Variants in CNTNAP5 observed in about 807,000 individuals in gnomAD.
The protein encoded by CNTNAP5 is contactin associated protein family member 5.
A neutral mutation model predicts 150.2 loss-of-function variants in CNTNAP5; 72 were observed. The observed-to-expected ratio is 0.48, with a 90% confidence interval of 0.40 to 0.58. CNTNAP5 has a LOEUF of 0.58. CNTNAP5 is among the 20% of genes least tolerant of loss of function. The pLI is 0.00. For synonymous variants in CNTNAP5, 672 were observed against 619.8 expected (o/e 1.08, Z -1.25); for missense variants, 1,636 against 1,626.2 (o/e 1.01, Z -0.10).
chr2:124,392,958 T>G (rs1691159057), intron 3 of CNTNAP5, among the ~76,000 whole-genome samples: 1 of 152,168 alleles, frequency 6.6e-6, no homozygotes, highest in African/African-American at 2.4e-5. Context: ...CCAGGACAAT[T>G]CTCAAAGTTG....
intron 1 of CNTNAP5, among the ~76,000 whole-genome samples, chr2:124,139,914 G>A (rs1018879691): frequency 5.3e-5 from 8 of 152,242 alleles, no homozygotes; most frequent in South Asian, 2.1e-4. Flanking sequence ...GACAGTGGGC[G>A]CAGGCCAGTG....
At chr2:124,027,730 T>A (rs1018183480) in intron 1 of CNTNAP5, among the ~76,000 whole-genome samples, 7 of 152,226 alleles carry the variant, frequency 4.6e-5, no homozygotes, top group Non-Finnish European at 8.8e-5. Flanking sequence ...AATTTCCCTA[T>A]TTCCAATCAA....
intron 10 of CNTNAP5, among the ~76,000 whole-genome samples, chr2:124,546,461 T>C (rs1446294815): frequency 6.6e-6 from 1 of 152,094 alleles, no homozygotes; most frequent in Non-Finnish European, 1.5e-5. Flanking sequence ...TACAAACGTA[T>C]ATGACTATGA....
At chr2:124,033,327 C>T (rs967052829) in intron 1 of CNTNAP5, among the ~76,000 whole-genome samples, 1 of 152,106 alleles carries the variant, frequency 6.6e-6, no homozygotes, top group Non-Finnish European at 1.5e-5. Context: ...CTTCTAAAGG[C>T]AATCCAAAGC....
At chr2:124,175,354 AATTT>A (rs1373614211) in intron 1 of CNTNAP5, among the ~76,000 whole-genome samples, 2 of 152,190 alleles carry the variant, frequency 1.3e-5, no homozygotes, top group Non-Finnish European at 2.9e-5. Flanking sequence ...TGAATTAATT[AATTT>A]ATTTTTAATG....
chr2:124,520,341 T>C (rs960908814), intron 8 of CNTNAP5, among the ~76,000 whole-genome samples: 2 of 152,216 alleles, frequency 1.3e-5, no homozygotes, highest in Admixed American at 6.5e-5. Context: ...AAATCTTGGC[T>C]ACAGCTCTGT....
intron 23 of CNTNAP5, among the ~76,000 whole-genome samples, chr2:124,912,148 G>T (rs1678670348): frequency 6.6e-6 from 1 of 152,002 alleles, no homozygotes; most frequent in Non-Finnish European, 1.5e-5. Context: ...TCCTGCTGTG[G>T]CTTGATTTTT....
intron 2 of CNTNAP5, among the ~76,000 whole-genome samples, chr2:124,236,482 C>A (rs959813757): frequency 1.3e-5 from 2 of 152,170 alleles, no homozygotes; most frequent in African/African-American, 4.8e-5. Context: ...CAGGGAGGAG[C>A]AGGAAGCCCT....
chr2:124,670,328 G>A (rs1481944910), intron 13 of CNTNAP5, among the ~76,000 whole-genome samples: 2 of 151,572 alleles, frequency 1.3e-5, no homozygotes, highest in African/African-American at 4.9e-5. Context: ...AATTAATGAT[G>A]TCAGGTATCT....
intron 3 of CNTNAP5, among the ~76,000 whole-genome samples, chr2:124,264,389 TACACACACACAC>T (rs200429155): frequency 0.023 from 2,877 of 126,546 alleles, 41 homozygotes; most frequent in Non-Finnish European, 0.035. Flanking sequence ...CACACACACA[TACACACACACAC>T]ACACACACAC....
intron 19 of CNTNAP5, among the ~76,000 whole-genome samples, chr2:124,819,033 GAC>G (rs1178024622): frequency 6.6e-6 from 1 of 151,942 alleles, no homozygotes; most frequent in African/African-American, 2.4e-5. Flanking sequence ...GTCTTTCCCT[GAC>G]CACAGGCTGC....
chr2:124,268,188 G>A (rs1353919411), intron 3 of CNTNAP5, among the ~76,000 whole-genome samples: 1 of 152,154 alleles, frequency 6.6e-6, no homozygotes, highest in Non-Finnish European at 1.5e-5. Flanking sequence ...GAAGAGAACT[G>A]CCATTTAAAA....
chr2:124,235,351 A>C (rs2104758163), intron 2 of CNTNAP5, among the ~76,000 whole-genome samples: 1 of 152,114 alleles, frequency 6.6e-6, no homozygotes, highest in East Asian at 1.9e-4. Flanking sequence ...GCTAGAGAGG[A>C]TCTGGATAGA....
intron 13 of CNTNAP5, among the ~76,000 whole-genome samples, chr2:124,713,604 G>C (rs912046557): frequency 2.1e-4 from 32 of 151,864 alleles, no homozygotes; most frequent in Admixed American, 2.0e-4. Flanking sequence ...TTGAACTCCT[G>C]ACCTCAAGTG....
intron 3 of CNTNAP5, among the ~76,000 whole-genome samples, chr2:124,268,050 A>G (rs900524533): frequency 6.6e-6 from 1 of 152,160 alleles, no homozygotes; most frequent in East Asian, 1.9e-4. Context: ...AGCGAAGCAC[A>G]TTTGCAAGGG....
chr2:124,468,921 C>A (rs1324656058), intron 6 of CNTNAP5, among the ~76,000 whole-genome samples: 1 of 152,242 alleles, frequency 6.6e-6, no homozygotes, highest in South Asian at 2.1e-4. Flanking sequence ...TTCTCCTCCC[C>A]AGCTGATTTG....
At chr2:124,498,633 A>T (rs945880721) in intron 7 of CNTNAP5, among the ~76,000 whole-genome samples, 1 of 152,146 alleles carries the variant, frequency 6.6e-6, no homozygotes, top group African/African-American at 2.4e-5. Context: ...AAAATATATC[A>T]TCTTTTGCTC....
chr2:124,614,663 G>C (rs889299627), intron 12 of CNTNAP5, among the ~76,000 whole-genome samples: 1 of 152,094 alleles, frequency 6.6e-6, no homozygotes, highest in Non-Finnish European at 1.5e-5. Context: ...ATTATTATTA[G>C]TGTATAATGA....
intron 13 of CNTNAP5, among the ~76,000 whole-genome samples, chr2:124,727,140 A>G (rs931961932): frequency 6.6e-5 from 10 of 151,868 alleles, no homozygotes; most frequent in Non-Finnish European, 1.5e-4. Flanking sequence ...AAGGTAGTTG[A>G]CTCTAAGTGC....
Sources: gnomAD v4.1 joint callset for allele counts (sites outside exome capture counted in the v4.1 genomes callset) on GRCh38, gnomAD v4.1.1 for gene constraint, MANE v1.5 for transcripts, NCBI Gene and HGNC (gene_info 2026-07-23, HGNC 2026-07-21) for gene names.